The following PLD1 variants were observed in gnomAD, a reference collection of about 807,000 sequenced individuals.
The protein encoded by PLD1 is phospholipase D1.
Under a neutral mutation model 137.1 loss-of-function variants are expected in PLD1, and 112 were observed. The observed-to-expected ratio is 0.82, with a 90% CI of 0.70 to 0.96. PLD1 has a LOEUF of 0.96. Ranked by LOEUF, PLD1 falls within the 40% of genes least tolerant of loss-of-function variation. PLD1 has a pLI of 0.00. For synonymous variants in PLD1, 431 were observed against 454.7 expected, an observed-to-expected ratio of 0.95 and a Z score of 0.66; for missense variants, 1,321 against 1,342.0, an observed-to-expected ratio of 0.98 and a Z score of 0.24.
At chr3:171,614,194 G>A (rs897021434) in intron 24 of PLD1, among the ~76,000 whole-genome samples, 12 of 152,114 alleles carry the variant, frequency 7.9e-5, no homozygotes, top group Admixed American at 2.6e-4. Context: ...AGAAAGGATC[G>A]AGCACCCTAC....
chr3:171,674,979 C>CAAAA (rs376402019), intron 18 of PLD1, among the ~76,000 whole-genome samples: 62 of 74,886 alleles, frequency 8.3e-4, no homozygotes, highest in African/African-American at 1.7e-3. Flanking sequence ...ATCTCCATCT[C>CAAAA]AAAAAAAAAA....
chr3:171,681,804 C>T (rs1713995876), intron 16 of PLD1, among the ~76,000 whole-genome samples: 1 of 152,164 alleles, frequency 6.6e-6, no homozygotes, highest in Admixed American at 6.5e-5. Flanking sequence ...TCTTACACAT[C>T]CTATCCATTG....
At chr3:171,623,931 A>G (rs1395180969) in intron 23 of PLD1, among the ~76,000 whole-genome samples, 1 of 151,880 alleles carries the variant, frequency 6.6e-6, no homozygotes, top group Non-Finnish European at 1.5e-5. Context: ...GACAAGTGTT[A>G]GAAGAAAGCA....
chr3:171,805,309 C>A (rs4128634), intron 1 of PLD1, among the ~76,000 whole-genome samples: 1 of 152,012 alleles, frequency 6.6e-6, no homozygotes, highest in East Asian at 1.9e-4. Context: ...TTAGGAGCAA[C>A]GGGGGAAGCA....
chr3:171,698,700 G>A (rs1255024174), intron 12 of PLD1, among the ~76,000 whole-genome samples: 1 of 151,814 alleles, frequency 6.6e-6, no homozygotes, highest in Non-Finnish European at 1.5e-5. Flanking sequence ...GCTCAAGCCT[G>A]TAATCCCAGC....
rs1339589028 is a variant in PLD1, at chr3:171,764,903, GGAAGGAAGGAAA to G, written c.-31-26833_-31-26822del. Among the ~76,000 whole-genome samples the G allele has an allele frequency of 3.5e-3, 119 of 34,420 alleles. 11 individuals are homozygous for G. Among genetic ancestry groups the G allele is most frequent in the African/African-American group, 0.013 (115 of 8,754 alleles). The allele number at this position is 34,420 out of a possible 152,430, so 22.6% of individuals were successfully genotyped here. A position where few individuals can be genotyped will look rare whatever the true frequency, so the allele number is the denominator to read the frequency against. ...AGAAAGAAAGAAAGAAAGGAAGGAA[GGAAGGAAGGAAA>G]GAAAGAAAGGAAAGAAAGGAAAGAA... On this transcript the variant is annotated intron_variant, in intron 1 of 26. Coordinates refer to ENST00000351298, the MANE Select transcript of PLD1 (RefSeq NM_002662.5).
intron 21 of PLD1, among the ~76,000 whole-genome samples, chr3:171,649,405 G>A (rs1299192851): frequency 6.6e-6 from 1 of 152,120 alleles, no homozygotes; most frequent in Non-Finnish European, 1.5e-5. Context: ...AATTTCAAAC[G>A]CAAAATTGTG....
chr3:171,795,092 T>C (rs1380987783), intron 1 of PLD1, among the ~76,000 whole-genome samples: 1 of 152,254 alleles, frequency 6.6e-6, no homozygotes, highest in Non-Finnish European at 1.5e-5. Context: ...GCTCCCTTCA[T>C]TGGCCTCCTT....
intron 1 of PLD1, among the ~76,000 whole-genome samples, chr3:171,747,248 A>G (rs1039045089): frequency 9.9e-5 from 15 of 152,194 alleles, no homozygotes; most frequent in Admixed American, 8.5e-4. Flanking sequence ...CAGACCAAGA[A>G]CCCACCAATT....
intron 19 of PLD1, among the ~76,000 whole-genome samples, chr3:171,670,947 C>G (rs747684693): frequency 1.3e-5 from 2 of 152,124 alleles, no homozygotes; most frequent in Non-Finnish European, 2.9e-5. Flanking sequence ...GTCATTAACA[C>G]CTGTACTTTG....
rs1445326947 is a variant in PLD1 at position 171,738,562 on chromosome 3, CATA to C, written c.-31-483_-31-481del. Among the ~76,000 whole-genome samples, 4 of 152,184 alleles carry C rather than the reference CATA, an allele frequency of 2.6e-5. No individual in the cohort carries two copies. In the East Asian group the frequency reaches 7.7e-4, roughly 29 times the overall value. On this transcript the variant is annotated intron_variant, in intron 1 of 26. Transcript: ENST00000351298. ...AGATTTAGAAATATTTTTATGATAGCATAATATTTCTACATTTTCTCTGTAGGT... is the reference window on the plus strand; with the variant it reads ...AGATTTAGAAATATTTTTATGATAGCATATTTCTACATTTTCTCTGTAGGT...
intron 16 of PLD1, among the ~76,000 whole-genome samples, chr3:171,685,428 T>C (rs1379175514): frequency 6.6e-6 from 1 of 152,194 alleles, no homozygotes. Flanking sequence ...GTAATCTTTA[T>C]TTCTGCTAAA....
intron 18 of PLD1, among the ~76,000 whole-genome samples, chr3:171,676,251 T>C (rs1440700019): frequency 2.0e-5 from 3 of 152,152 alleles, no homozygotes; most frequent in Non-Finnish European, 4.4e-5. Context: ...ACCTTCTTAA[T>C]ACTTCTTGGT....
intron 24 of PLD1, 128 bp downstream of exon 24, chr3:171,620,258 T>A (rs1733472927): frequency 1.7e-6 from 1 of 592,686 alleles, no homozygotes; most frequent in Non-Finnish European, 2.9e-6. Flanking sequence ...GCTTCAGAAA[T>A]GTTTTAGTTA....
At chr3:171,635,098 C>T (rs1734996789) in intron 23 of PLD1, among the ~76,000 whole-genome samples, 1 of 152,120 alleles carries the variant, frequency 6.6e-6, no homozygotes, top group African/African-American at 2.4e-5. Flanking sequence ...TAGTATATGT[C>T]AGTTCATGCC....
intron 1 of PLD1, among the ~76,000 whole-genome samples, chr3:171,766,057 A>C (rs567693526): frequency 3.0e-4 from 46 of 152,312 alleles, no homozygotes; most frequent in African/African-American, 1.0e-3. Flanking sequence ...AAGTAAAATG[A>C]TTCTGTCCTT....
chr3:171,607,432 A>G (rs1300609930), intron 25 of PLD1, among the ~76,000 whole-genome samples: 1 of 152,176 alleles, frequency 6.6e-6, no homozygotes, highest in Non-Finnish European at 1.5e-5. Flanking sequence ...CCACCAAACT[A>G]TCAGGTAAGG....
At chr3:171,749,366 C>T (rs1025918583) in intron 1 of PLD1, among the ~76,000 whole-genome samples, 2 of 152,096 alleles carry the variant, frequency 1.3e-5, no homozygotes, top group African/African-American at 4.8e-5. Flanking sequence ...TACAAAAAAA[C>T]CCAGAGCTTC....
At chr3:171,805,128 G>C (rs1723795280) in intron 1 of PLD1, among the ~76,000 whole-genome samples, 1 of 152,134 alleles carries the variant, frequency 6.6e-6, no homozygotes, top group African/African-American at 2.4e-5. Flanking sequence ...CTTAACAAAA[G>C]AACTGACTAA....
Sources: gnomAD v4.1 joint callset for allele counts (sites outside exome capture counted in the v4.1 genomes callset) on GRCh38, gnomAD v4.1.1 for gene constraint, MANE v1.5 for transcripts, NCBI Gene and HGNC (gene_info 2026-07-23, HGNC 2026-07-21) for gene names.